The following TRIM63 variants were observed in gnomAD, a reference collection of about 807,000 sequenced individuals.
TRIM63 encodes tripartite motif containing 63, also known as E3 ubiquitin-protein ligase TRIM63.
TRIM63 carries 48 observed loss-of-function variants against 46.0 expected under a neutral mutation model. That is an observed-to-expected ratio of 1.04 (90% CI 0.83 to 1.33). The LOEUF is 1.33. Ranked by LOEUF, TRIM63 falls within the 40% of genes most tolerant of loss-of-function variation. The pLI, the probability that TRIM63 is intolerant of heterozygous loss-of-function variation, is 0.00. For missense variants in TRIM63, 455 were observed against 441.2 expected (o/e 1.03, Z -0.28); for synonymous variants, 175 against 162.8 (o/e 1.08, Z -0.57).
chr1:26,066,868 G>A (rs1053951112), intron 1 of TRIM63, among the ~76,000 whole-genome samples: 33 of 151,406 alleles, frequency 2.2e-4, no homozygotes, highest in African/African-American at 6.8e-4. Flanking sequence ...TTCCTTTCTC[G>A]GGGAGTTGGA....
intron 2 of TRIM63, among the ~76,000 whole-genome samples, chr1:26,065,222 C>T (rs2124443471): frequency 6.6e-6 from 1 of 152,160 alleles, no homozygotes; most frequent in South Asian, 2.1e-4. Context: ...CGGGGTTTCA[C>T]CATGTTGGCC....
At chr1:26,052,630 C>A (rs2050532816) in intron 8 of TRIM63, among the ~76,000 whole-genome samples, 1 of 152,140 alleles carries the variant, frequency 6.6e-6, no homozygotes. Context: ...CCACGCCTGG[C>A]TAATTTTTGT....
rs200833812 is a variant in TRIM63 at position 26,057,370 on chromosome 1, G to A, written c.855-43C>T. The A allele has an allele frequency of 3.0e-4, 476 of 1,609,932 alleles. 1 individual carries two copies. Among genetic ancestry groups the A allele is most frequent in the East Asian group, 1.6e-3 (74 of 44,856 alleles). On this transcript the variant is annotated intron_variant, in intron 6 of 8. Coordinates refer to ENST00000374272, the MANE Select transcript of TRIM63 (RefSeq NM_032588.4). ...AGAGAGGCAGGATGAGGTCTCTGGG[G>A]CTCAGTGCAGGGAAGAGAGGGCACA... is the stretch of plus-strand genomic sequence containing the variant.
chr1:26,054,008 G>A, intron 7 of TRIM63, 44 bp from the exon 8 acceptor site: 2 of 1,428,648 alleles, frequency 1.4e-6, no homozygotes, highest in East Asian at 2.4e-5. Flanking sequence ...CCGGTTCCTT[G>A]AGGAGCTACT....
At chr1:26,059,903 C>T (rs533635125) in intron 4 of TRIM63, among the ~76,000 whole-genome samples, 11 of 152,326 alleles carry the variant, frequency 7.2e-5, no homozygotes, top group South Asian at 2.1e-4. Context: ...GTAATTTTCA[C>T]GCACTTCAAA....
At chr1:26,057,595 TG>T (rs1269639183) in intron 6 of TRIM63, 32 bp downstream of exon 6, 1 of 1,605,330 alleles carries the variant, frequency 6.2e-7, no homozygotes, top group Admixed American at 1.7e-5. Context: ...GGGAACTAGG[TG>T]CTTGGATCAT....
Position 26,067,531 on chromosome 1 carries a change from C to G in TRIM63, c.-37G>C, listed in dbSNP as rs778230127. 1.2e-6 allele frequency: 2 copies of G among 1,609,054 alleles called. No individual in the cohort carries two copies. The highest frequency in any genetic ancestry group is 8.5e-7 in the Non-Finnish European group (1 of 1,178,508). On this transcript the variant is annotated 5_prime_UTR_variant, in exon 1 of 9. Coordinates refer to ENST00000374272, the MANE Select transcript of TRIM63 (RefSeq NM_032588.4). ...GAATGAGAGCCACGCCTAGCTGCCTCCTCTACTAACTTTGCTCTAAGTAGA... is the reference window on the plus strand; with the variant it reads ...GAATGAGAGCCACGCCTAGCTGCCTGCTCTACTAACTTTGCTCTAAGTAGA...
At chr1:26,055,910 G>A (rs987642190) in intron 7 of TRIM63, among the ~76,000 whole-genome samples, 10 of 152,186 alleles carry the variant, frequency 6.6e-5, no homozygotes, top group Non-Finnish European at 1.2e-4. Context: ...GCTTTGGGAT[G>A]TATTTTGTCC....
intron 2 of TRIM63, among the ~76,000 whole-genome samples, chr1:26,062,065 C>T (rs979003018): frequency 3.3e-5 from 5 of 152,024 alleles, no homozygotes; most frequent in African/African-American, 1.2e-4. Context: ...GTCAGGAGTT[C>T]AAGACCAGCT....
At chr1:26,064,424 C>T (rs994908703) in intron 2 of TRIM63, among the ~76,000 whole-genome samples, 1 of 151,550 alleles carries the variant, frequency 6.6e-6, no homozygotes, top group African/African-American at 2.4e-5. Flanking sequence ...GACCAAGACT[C>T]TGCCTCAAAA....
At chr1:26,061,385 C>G in intron 2 of TRIM63, 51 bp from the exon 3 acceptor site, 2 of 1,588,026 alleles carry the variant, frequency 1.3e-6, no homozygotes, top group Non-Finnish European at 1.7e-6. Context: ...CCCTGCATCC[C>G]CCTCCCCAGC....
In TRIM63 at chr1:26,057,224, T is replaced by C. The variant is rs769372054; in HGVS notation, c.958A>G (p.Arg320Gly). The C allele has an allele frequency of 6.2e-6, 10 of 1,614,194 alleles. No individual in the cohort carries two copies. In the Admixed American group the frequency reaches 1.7e-4, roughly 27 times the overall value. Residue 320 changes from arginine (R) to glycine (G), a missense_variant, in exon 7 of 9, where the codon AGA becomes GGA. Arg to Gly is a moderately radical substitution (Grantham distance 125). Coordinates refer to ENST00000374272, the MANE Select transcript of TRIM63 (RefSeq NM_032588.4). Reference protein sequence around the residue: ...LDLEHIADALRAIDFGTDEEE... With the variant: ...LDLEHIADALGAIDFGTDEEE... ...TTACCTGTCCCAAAGTCAATGGCTCTCAGGGCGTCTGCTATGTGCTCTAAA... is the reference window on the plus strand; with the variant it reads ...TTACCTGTCCCAAAGTCAATGGCTCCCAGGGCGTCTGCTATGTGCTCTAAA...
At chr1:26,066,572 C>G (rs1001034567) in intron 1 of TRIM63, 132 bp from the exon 2 acceptor site, 2 of 791,810 alleles carry the variant, frequency 2.5e-6, no homozygotes, top group Non-Finnish European at 1.9e-6. Context: ...GCTCTGCAGA[C>G]TGTGATGAGA....
intron 7 of TRIM63, among the ~76,000 whole-genome samples, chr1:26,056,603 AT>A (rs2050572127): frequency 6.6e-6 from 1 of 152,166 alleles, no homozygotes; most frequent in South Asian, 2.1e-4. Flanking sequence ...CAGAACCAGG[AT>A]TTAAACTCAG....
intron 3 of TRIM63, 67 bp from the exon 4 acceptor site, chr1:26,060,428 A>G: frequency 8.0e-7 from 1 of 1,250,740 alleles, no homozygotes; most frequent in Non-Finnish European, 1.2e-6. Flanking sequence ...CCACTGGGGC[A>G]TGGCAGCAAC....
Position 26,058,425 on chromosome 1 carries a change from A to G in TRIM63, c.796T>C (p.Ser266Pro). Residue 266 changes from serine (S) to proline (P), a missense_variant, in exon 5 of 9, where the codon TCC becomes CCC. Coordinates refer to ENST00000374272, the MANE Select transcript of TRIM63 (RefSeq NM_032588.4). ...STKLVETAIQ[S>P]LDEPGGATFL... ...GTGGCTCCCCCAGGCTCGTCCAGGG[A>G]CTGGATGGCAGTTTCCACCAGCTTT... 1 of 1,614,052 alleles carries G rather than the reference A, an allele frequency of 6.2e-7. No individual in the cohort carries two copies. Among genetic ancestry groups the G allele is most frequent in the Non-Finnish European group, 8.5e-7 (1 of 1,180,000 alleles).
At chr1:26,060,213 A>C in intron 4 of TRIM63, 53 bp downstream of exon 4, 1 of 1,543,896 alleles carries the variant, frequency 6.5e-7, no homozygotes, top group Non-Finnish European at 8.9e-7. Context: ...CCCAGAGACC[A>C]GGCTGCCCTG....
At chr1:26,059,643 C>T (rs1333272053) in intron 4 of TRIM63, among the ~76,000 whole-genome samples, 1 of 152,150 alleles carries the variant, frequency 6.6e-6, no homozygotes, top group Non-Finnish European at 1.5e-5. Flanking sequence ...ACTCTTCATC[C>T]ACTAGCAATT....
Position 26,051,758 on chromosome 1 carries a change from T to C in TRIM63, c.*115A>G. 1 of 773,774 alleles carries C rather than the reference T, an allele frequency of 1.3e-6. No individual in the cohort carries two copies. The highest frequency in any genetic ancestry group is 1.8e-6 in the Non-Finnish European group (1 of 550,794). 47.9% of individuals were successfully genotyped at this position (773,774 alleles called of 1,614,324 possible). ...CAGAGAGAAGACATCACCTCCCCATTGCCCCTCCAGGGGCCCCGACCCCTC... is the reference window on the plus strand; with the variant it reads ...CAGAGAGAAGACATCACCTCCCCATCGCCCCTCCAGGGGCCCCGACCCCTC... On this transcript the variant is annotated 3_prime_UTR_variant, in exon 9 of 9. Coordinates refer to ENST00000374272, the MANE Select transcript of TRIM63 (RefSeq NM_032588.4).
Sources: allele counts gnomAD v4.1 joint callset (sites outside exome capture counted in the v4.1 genomes callset), GRCh38; gene constraint gnomAD v4.1.1; transcripts MANE v1.5; gene names NCBI Gene and HGNC (gene_info 2026-07-23, HGNC 2026-07-21).